MYT1L: variants seen among roughly 807,000 people sequenced by gnomAD.
MYT1L encodes the protein myelin transcription factor 1-like protein.
A neutral mutation model predicts 126.7 loss-of-function variants in MYT1L; 12 were observed. The observed-to-expected ratio is 0.09, with a 90% CI of 0.06 to 0.15. The LOEUF is 0.15. Ranked by LOEUF, MYT1L falls within the 10% of genes least tolerant of loss-of-function variation. MYT1L has a pLI of 1.00. For synonymous variants in MYT1L, 541 were observed against 604.2 expected (o/e 0.90, Z 1.53); for missense variants, 979 against 1,585.2 (o/e 0.62, Z 6.49).
chr2:1,966,795 A>T (rs549753313), intron 8 of MYT1L, among the ~76,000 whole-genome samples: 2 of 152,268 alleles, frequency 1.3e-5, no homozygotes, highest in African/African-American at 4.8e-5. Context: ...AAGAATACAA[A>T]ATACAAAAAA....
chr2:2,195,468 T>A (rs1190725608), intron 2 of MYT1L, among the ~76,000 whole-genome samples: 2 of 152,218 alleles, frequency 1.3e-5, no homozygotes. Flanking sequence ...AAATCTTTTC[T>A]GTAAGAAGAT....
intron 3 of MYT1L, among the ~76,000 whole-genome samples, chr2:2,082,402 T>C (rs1429478810): frequency 6.6e-6 from 1 of 152,176 alleles, no homozygotes; most frequent in Non-Finnish European, 1.5e-5. Context: ...TGAAAAACAG[T>C]CTCATTTCTT....
At chr2:2,188,137 C>T (rs2092338956) in intron 2 of MYT1L, among the ~76,000 whole-genome samples, 1 of 152,132 alleles carries the variant, frequency 6.6e-6, no homozygotes. Context: ...CACACAAATG[C>T]ATGCACACAC....
At chr2:2,005,237 C>CTCCTACAGGCGTTCTT (rs1553407437) in intron 4 of MYT1L, among the ~76,000 whole-genome samples, 13 of 10,122 alleles carry the variant, frequency 1.3e-3, no homozygotes, top group African/African-American at 4.8e-3. Context: ...CGTGCCTTCT[C>CTCCTACAGGCGTTCTT]TCCTGCAGGC....
At chr2:2,048,838 A>G (rs2068488367) in intron 4 of MYT1L, among the ~76,000 whole-genome samples, 1 of 151,834 alleles carries the variant, frequency 6.6e-6, no homozygotes, top group Non-Finnish European at 1.5e-5. Flanking sequence ...TTTCCACCAC[A>G]CTCCGGAATA....
At chr2:1,956,722 C>CAAGTTGACAAGAGATAT (rs1467070900) in intron 8 of MYT1L, among the ~76,000 whole-genome samples, 1 of 151,856 alleles carries the variant, frequency 6.6e-6, no homozygotes, top group South Asian at 2.1e-4. Flanking sequence ...GACAAGTTGA[C>CAAGTTGACAAGAGATAT]AAGTTGACAA....
intron 18 of MYT1L, among the ~76,000 whole-genome samples, chr2:1,882,071 A>C: frequency 6.6e-6 from 1 of 152,144 alleles, no homozygotes; most frequent in East Asian, 1.9e-4. Context: ...AATGGGTCTA[A>C]GCACCCCTTC....
At chr2:2,155,330 C>T (rs1250405607) in intron 3 of MYT1L, among the ~76,000 whole-genome samples, 1 of 152,204 alleles carries the variant, frequency 6.6e-6, no homozygotes, top group Non-Finnish European at 1.5e-5. Flanking sequence ...AGAGCAAAGC[C>T]TCTGCCTTTC....
intron 21 of MYT1L, among the ~76,000 whole-genome samples, chr2:1,822,292 T>C (rs1341237812): frequency 1.3e-5 from 2 of 152,170 alleles, no homozygotes; most frequent in Non-Finnish European, 2.9e-5. Flanking sequence ...GTCATTTTAG[T>C]AGTGTTTTAA....
intron 4 of MYT1L, among the ~76,000 whole-genome samples, chr2:2,014,701 G>A (rs1031461868): frequency 6.6e-6 from 1 of 152,232 alleles, no homozygotes; most frequent in Non-Finnish European, 1.5e-5. Context: ...ATGCAGATAA[G>A]ATGTATTTAG....
chr2:2,282,797 G>A (rs939950868), intron 2 of MYT1L, among the ~76,000 whole-genome samples: 4 of 152,240 alleles, frequency 2.6e-5, no homozygotes, highest in African/African-American at 7.2e-5. Flanking sequence ...TCTTCAGGCT[G>A]GGCACAGTGG....
chr2:1,980,641 C>T (rs2149496315), intron 5 of MYT1L, among the ~76,000 whole-genome samples: 1 of 152,148 alleles, frequency 6.6e-6, no homozygotes, highest in South Asian at 2.1e-4. Context: ...TTTTATTATA[C>T]CTATTTAATA....
At chr2:2,220,216 G>A (rs543834958) in intron 2 of MYT1L, among the ~76,000 whole-genome samples, 8 of 152,280 alleles carry the variant, frequency 5.3e-5, no homozygotes, top group South Asian at 4.1e-4. Context: ...CAAGGTGGTC[G>A]GGGCACAGCT....
chr2:1,973,768 C>A (rs769129532), intron 8 of MYT1L, among the ~76,000 whole-genome samples: 53 of 152,320 alleles, frequency 3.5e-4, no homozygotes, highest in Non-Finnish European at 6.8e-4. Flanking sequence ...CTCCAGGCCT[C>A]ACCCCGTGAT....
At chr2:1,818,825 T>G (rs1329678684) in intron 21 of MYT1L, among the ~76,000 whole-genome samples, 1 of 151,648 alleles carries the variant, frequency 6.6e-6, no homozygotes, top group Non-Finnish European at 1.5e-5. Flanking sequence ...AATTTGGAGG[T>G]TTTTCCCCTA....
chr2:2,230,075 G>A (rs1208399828), intron 2 of MYT1L, among the ~76,000 whole-genome samples: 2 of 152,114 alleles, frequency 1.3e-5, no homozygotes, highest in Non-Finnish European at 2.9e-5. Flanking sequence ...TTACATTTCA[G>A]ATTCTCCAGT....
intron 13 of MYT1L, among the ~76,000 whole-genome samples, chr2:1,906,298 C>A (rs1376327732): frequency 1.3e-5 from 2 of 152,076 alleles, no homozygotes; most frequent in African/African-American, 2.4e-5. Flanking sequence ...GTTTCTCAGG[C>A]TTTAAAAACA....
At chr2:2,118,148 A>T (rs1014379812) in intron 3 of MYT1L, among the ~76,000 whole-genome samples, 1 of 150,536 alleles carries the variant, frequency 6.6e-6, no homozygotes, top group Non-Finnish European at 1.5e-5. Flanking sequence ...ATTCAATAAT[A>T]ATTTTTGAAC....
At position 2,276,429 on chromosome 2, in the gene MYT1L, T is replaced by G. The variant is rs141166006; in HGVS notation, c.-421+7975A>C. ...AGACAGTTCTTTAAAATGTTACAAA[T>G]ATGTCAGTTAATTAATAAAGTCCTT... On this transcript the variant is annotated intron_variant, in intron 2 of 24. Coordinates refer to ENST00000647738, the MANE Select transcript of MYT1L (RefSeq NM_001303052.2). 1.2e-4 allele frequency among the ~76,000 whole-genome samples: 18 copies of G among 152,286 alleles called. No individual in the cohort carries two copies. The East Asian group carries it at 3.5e-3, about 29-fold the overall frequency.
Sources: allele counts gnomAD v4.1 joint callset (sites outside exome capture counted in the v4.1 genomes callset), GRCh38; gene constraint gnomAD v4.1.1; transcripts MANE v1.5; gene names NCBI Gene and HGNC (gene_info 2026-07-23, HGNC 2026-07-21).